The following FAM78B variants were observed in gnomAD, a reference collection of about 807,000 sequenced individuals.
FAM78B encodes the protein family with sequence similarity 78 member B.
In FAM78B, 10 loss-of-function variants were observed where a neutral mutation model predicts 20.0. The observed-to-expected ratio is 0.50, with a 90% CI of 0.31 to 0.85. The LOEUF is 0.85. FAM78B is among the 40% of genes least tolerant of loss of function. The pLI is 0.05. For synonymous variants in FAM78B, 135 were observed against 132.8 expected (o/e 1.02, Z -0.12); for missense variants, 283 against 345.0 (o/e 0.82, Z 1.42).
chr1:166,161,816 T>C (rs553658301), intron 1 of FAM78B, among the ~76,000 whole-genome samples: 2 of 152,094 alleles, frequency 1.3e-5, no homozygotes, highest in Admixed American at 6.6e-5. Flanking sequence ...GTGGGAGCTA[T>C]AGTGGGGATC....
intron 1 of FAM78B, among the ~76,000 whole-genome samples, chr1:166,136,217 T>C (rs765694019): frequency 1.2e-4 from 18 of 152,234 alleles, no homozygotes; most frequent in Non-Finnish European, 2.4e-4. Flanking sequence ...TGAATTCTGA[T>C]GCATGGAGGG....
At chr1:166,086,863 G>A (rs1370661233) in intron 1 of FAM78B, among the ~76,000 whole-genome samples, 1 of 152,096 alleles carries the variant, frequency 6.6e-6, no homozygotes, top group African/African-American at 2.4e-5. Flanking sequence ...ATTCACATGG[G>A]TATTATCAAA....
chr1:166,155,102 C>G (rs530144399), intron 1 of FAM78B, among the ~76,000 whole-genome samples: 1 of 152,174 alleles, frequency 6.6e-6, no homozygotes, highest in Non-Finnish European at 1.5e-5. Context: ...GCTGAGTGAA[C>G]CAGGCAGCTG....
At chr1:166,081,175 T>C (rs1652557975) in intron 1 of FAM78B, 1 of 152,176 alleles carries the variant, frequency 6.6e-6, no homozygotes, top group African/African-American at 2.4e-5. Context: ...GCAGAAAAGA[T>C]CATTTGCAGT....
downstream of FAM78B, among the ~76,000 whole-genome samples, chr1:166,056,253 C>T (rs1371702962): frequency 1.3e-5 from 2 of 151,846 alleles, no homozygotes; most frequent in Non-Finnish European, 2.9e-5. Flanking sequence ...CCTTGCTCTC[C>T]CTCTTTTGAC....
chr1:166,161,150 TTTC>T, intron 1 of FAM78B, among the ~76,000 whole-genome samples: 1 of 151,738 alleles, frequency 6.6e-6, no homozygotes, highest in South Asian at 2.1e-4. Flanking sequence ...AGAAAGAGAT[TTTC>T]TTTCTTTTTT....
At chr1:166,123,190 T>C (rs1181849563) in intron 1 of FAM78B, among the ~76,000 whole-genome samples, 1 of 152,216 alleles carries the variant, frequency 6.6e-6, no homozygotes, top group African/African-American at 2.4e-5. Flanking sequence ...GGCAGCTGCC[T>C]CCTTCTGGGC....
rs771421402 is a variant in FAM78B at position 166,084,237 on chromosome 1, A to ACACACACACT, written c.264-13475_264-13474insAGTGTGTGTG. The stretch of plus-strand genomic sequence containing the variant: ...CACACACACACACACACACACACAC[A>ACACACACACT]CTCTCTCTCTCTCTCTCTCTCTCTC... On this transcript the variant is annotated intron_variant, in intron 1 of 1. Coordinates refer to ENST00000354422, the MANE Select transcript of FAM78B (RefSeq NM_001017961.5). Among the ~76,000 whole-genome samples the ACACACACACT allele has an allele frequency of 9.9e-3, 1,245 of 125,304 alleles. 7 individuals carry two copies. Among genetic ancestry groups the ACACACACACT allele is most frequent in the Non-Finnish European group, 0.013 (773 of 58,474 alleles). The allele number at this position is 125,304 out of a possible 152,430, so 82.2% of individuals were successfully genotyped here.
At chr1:166,090,860 G>A (rs922259885) in intron 1 of FAM78B, among the ~76,000 whole-genome samples, 5 of 152,214 alleles carry the variant, frequency 3.3e-5, no homozygotes, top group African/African-American at 9.7e-5. Flanking sequence ...AGTGTTTATT[G>A]AGGGCTTACT....
chr1:166,061,854 G>C (rs893527188), intron 2 of FAM78B, among the ~76,000 whole-genome samples: 3 of 152,208 alleles, frequency 2.0e-5, no homozygotes, highest in Non-Finnish European at 2.9e-5. Context: ...GGCACAATGT[G>C]GTTGCACGTG....
chr1:166,077,493 T>C (rs1188321592), intron 1 of FAM78B, among the ~76,000 whole-genome samples: 1 of 151,062 alleles, frequency 6.6e-6, no homozygotes, highest in African/African-American at 2.4e-5. Flanking sequence ...CTCAGAACTA[T>C]TACAGAAATC....
At chr1:166,131,574 A>C (rs753595618) in intron 1 of FAM78B, among the ~76,000 whole-genome samples, 2 of 152,054 alleles carry the variant, frequency 1.3e-5, no homozygotes, top group Non-Finnish European at 2.9e-5. Context: ...CTGTGAGAAG[A>C]CCTATCTTAG....
At chr1:166,108,057 G>A (rs1044055021) in intron 1 of FAM78B, among the ~76,000 whole-genome samples, 6 of 152,130 alleles carry the variant, frequency 3.9e-5, no homozygotes, top group African/African-American at 7.2e-5. Context: ...GGGAAAGGTC[G>A]AAAGCATTCC....
intron 1 of FAM78B, among the ~76,000 whole-genome samples, chr1:166,158,482 G>A (rs1194679863): frequency 6.6e-6 from 1 of 152,170 alleles, no homozygotes; most frequent in African/African-American, 2.4e-5. Flanking sequence ...TTCCCTCACT[G>A]GGTAAGATTT....
intron 1 of FAM78B, among the ~76,000 whole-genome samples, chr1:166,120,335 C>T (rs998796310): frequency 1.3e-5 from 2 of 152,184 alleles, no homozygotes; most frequent in South Asian, 2.1e-4. Context: ...CACATGTGTG[C>T]CTGTGTGCTT....
intron 1 of FAM78B, among the ~76,000 whole-genome samples, chr1:166,077,701 A>C (rs1652338205): frequency 8.2e-6 from 1 of 122,370 alleles, no homozygotes; most frequent in Admixed American, 8.0e-5. Flanking sequence ...ATTATATATA[A>C]TAAATACATA....
intron 1 of FAM78B, among the ~76,000 whole-genome samples, chr1:166,152,826 C>T (rs1009982524): frequency 2.9e-4 from 44 of 152,016 alleles, no homozygotes; most frequent in African/African-American, 8.9e-4. Context: ...TACAGGTGCA[C>T]GCCACCACAC....
At chr1:166,097,703 C>A (rs1318210578) in intron 1 of FAM78B, among the ~76,000 whole-genome samples, 2 of 152,188 alleles carry the variant, frequency 1.3e-5, no homozygotes, top group Non-Finnish European at 2.9e-5. Context: ...ATCTTACCCC[C>A]ATCCCCACAG....
At chr1:166,093,101 A>C (rs1051682181) in intron 1 of FAM78B, among the ~76,000 whole-genome samples, 15 of 152,350 alleles carry the variant, frequency 9.8e-5, no homozygotes, top group African/African-American at 3.6e-4. Context: ...GAGCCCTGAG[A>C]GAAGTATTGT....
Sources: allele counts gnomAD v4.1 joint callset (sites outside exome capture counted in the v4.1 genomes callset), GRCh38; gene constraint gnomAD v4.1.1; transcripts MANE v1.5; gene names NCBI Gene and HGNC (gene_info 2026-07-23, HGNC 2026-07-21).